IRAG2: variants seen among roughly 807,000 people sequenced by gnomAD.
IRAG2 encodes inositol 1,4,5-triphosphate receptor associated 2.
IRAG2 carries 45 observed loss-of-function variants against 69.9 expected under a neutral mutation model. That is an observed-to-expected ratio of 0.64 (90% CI 0.51 to 0.83). The LOEUF is 0.83. IRAG2 is among the 40% of genes least tolerant of loss of function. IRAG2 has a pLI of 0.00. For missense variants in IRAG2, 520 were observed against 587.0 expected, an observed-to-expected ratio of 0.89 and a Z score of 1.18; for synonymous variants, 193 against 202.4, an observed-to-expected ratio of 0.95 and a Z score of 0.40.
intron 7 of IRAG2, among the ~76,000 whole-genome samples, chr12:25,021,322 A>G (rs1944578667): frequency 6.6e-6 from 1 of 151,772 alleles, no homozygotes; most frequent in Non-Finnish European, 1.5e-5. Context: ...CACATTCACA[A>G]TAGTTTCTGA....
upstream of IRAG2, among the ~76,000 whole-genome samples, chr12:25,048,709 G>T (rs1378622343): frequency 6.6e-6 from 1 of 152,136 alleles, no homozygotes; most frequent in Non-Finnish European, 1.5e-5. Flanking sequence ...CCATTCTCTA[G>T]GTTGTCTGTT....
chr12:25,090,003 G>T, intron 13 of IRAG2, 54 bp from the exon 14 acceptor site: 2 of 1,568,062 alleles, frequency 1.3e-6, no homozygotes, highest in South Asian at 2.3e-5. Context: ...TGAAACATCT[G>T]ACCACATCCG....
At chr12:25,077,319 T>G (rs11047818) in intron 6 of IRAG2, among the ~76,000 whole-genome samples, 1 of 27,702 alleles carries the variant, frequency 3.6e-5, no homozygotes, top group African/African-American at 1.2e-4. Context: ...ATATATATGA[T>G]ATATATATGA....
Position 25,101,181 on chromosome 12 carries a change from A to G in IRAG2, c.745A>G (p.Ser249Gly). 1.3e-6 allele frequency: 2 copies of G among 1,594,498 alleles called. No individual in the cohort carries two copies. Among genetic ancestry groups the G allele is most frequent in the Non-Finnish European group, 1.7e-6 (2 of 1,170,424 alleles). The change falls in exon 16 of 22, where the codon AGC becomes GGC. Residue 249 changes from serine (S) to glycine (G), a missense_variant. Coordinates refer to ENST00000556887, the MANE Select transcript of IRAG2 (RefSeq NM_001366544.2). ...TGCTCGTTTTTTCTCTTGCTAGGAA[A>G]GCCGGGTTAGTAAAGCAGTTGAAGT... is the stretch of plus-strand genomic sequence containing the variant. ...AEMLGAINQE[S>G]RVSKAVEVMI...
intron 2 of IRAG2, among the ~76,000 whole-genome samples, chr12:25,009,391 T>C (rs949197117): frequency 6.6e-6 from 1 of 152,334 alleles, no homozygotes; most frequent in Middle Eastern, 3.4e-3. Flanking sequence ...TGTACCCTTA[T>C]TTATTTCCTT....
At chr12:25,050,126 C>CA (rs1303144865), upstream of IRAG2, among the ~76,000 whole-genome samples, 13 of 150,724 alleles carry the variant, frequency 8.6e-5, no homozygotes, top group Non-Finnish European at 1.5e-4. Context: ...GACTCCGTCT[C>CA]AAAAAAACAA....
Position 25,069,385 on chromosome 12 carries a change from C to T in IRAG2, c.-23C>T, listed in dbSNP as rs370845805. The stretch of plus-strand genomic sequence containing the variant: ...CCCACAAGTGGCCCCAGCCCAGGAA[C>T]GAATCTCTCAGGCTGCATCAGGATG... On this transcript the variant is annotated 5_prime_UTR_variant, in exon 6 of 22. It adds an upstream start codon to the 5' untranslated region. Coordinates refer to ENST00000556887, the MANE Select transcript of IRAG2 (RefSeq NM_001366544.2). The T allele has an allele frequency of 9.9e-6, 16 of 1,612,820 alleles. No individual in the cohort carries two copies. The highest frequency in any genetic ancestry group is 1.7e-5 in the Admixed American group (1 of 59,920).
chr12:25,017,018 T>TAAAAA, intron 5 of IRAG2: 1 of 597,744 alleles, frequency 1.7e-6, no homozygotes, highest in Non-Finnish European at 2.3e-6. Context: ...AGGGTAAAGT[T>TAAAAA]AAAAAAAAAA....
At chr12:25,078,743 A>G (rs1946990509) in intron 6 of IRAG2, among the ~76,000 whole-genome samples, 1 of 152,222 alleles carries the variant, frequency 6.6e-6, no homozygotes, top group African/African-American at 2.4e-5. Context: ...GAATCAAGTA[A>G]TAGGTGCTAA....
chr12:25,078,961 T>C (rs1592029364), intron 6 of IRAG2, among the ~76,000 whole-genome samples: 1 of 152,256 alleles, frequency 6.6e-6, no homozygotes, highest in East Asian at 1.9e-4. Flanking sequence ...ATAAACCCTA[T>C]CTGCCATTTG....
intron 3 of IRAG2, among the ~76,000 whole-genome samples, chr12:25,012,117 T>C (rs1944479607): frequency 6.7e-6 from 1 of 148,792 alleles, no homozygotes; most frequent in South Asian, 2.2e-4. Flanking sequence ...TGGAGATGTG[T>C]GTCTTCTTCC....
intron 10 of IRAG2, among the ~76,000 whole-genome samples, chr12:25,031,920 C>G (rs1238556458): frequency 6.6e-6 from 1 of 152,182 alleles, no homozygotes; most frequent in Non-Finnish European, 1.5e-5. Flanking sequence ...CCTCGGCCTC[C>G]CAAAGTGTTG....
chr12:25,065,374 T>C (rs923246015), intron 4 of IRAG2, among the ~76,000 whole-genome samples: 2 of 152,154 alleles, frequency 1.3e-5, no homozygotes, highest in Admixed American at 1.3e-4. Context: ...AACCAAAAAT[T>C]TCTGATTGAC....
intron 16 of IRAG2, among the ~76,000 whole-genome samples, chr12:25,039,726 G>A (rs750333329): frequency 7.2e-5 from 11 of 152,118 alleles, no homozygotes; most frequent in Non-Finnish European, 1.2e-4. Context: ...CACCACACCC[G>A]GCAACATTCT....
intron 16 of IRAG2, among the ~76,000 whole-genome samples, chr12:25,039,647 G>T (rs1944731474): frequency 6.6e-6 from 1 of 152,142 alleles, no homozygotes; most frequent in Non-Finnish European, 1.5e-5. Flanking sequence ...AACCAGGATG[G>T]TCTCGATCTC....
In IRAG2 at chr12:25,108,126, T is replaced by TAAC; in HGVS notation, c.*67_*69dup. On this transcript the variant is annotated 3_prime_UTR_variant, in exon 22 of 22. Transcript: ENST00000556887. ...TCAGTATCTGAACTTCGTAAATTAG[T>TAAC]AACTTTTAGCTGGGAAAGTATAGCA... The TAAC allele has an allele frequency of 6.4e-7, 1 of 1,550,692 alleles. No individual in the cohort carries two copies. The highest frequency in any genetic ancestry group is 8.8e-7 in the Non-Finnish European group (1 of 1,141,184).
intron 2 of IRAG2, among the ~76,000 whole-genome samples, chr12:25,007,344 CTT>C (rs1944440631): frequency 2.0e-5 from 3 of 152,094 alleles, no homozygotes; most frequent in African/African-American, 7.2e-5. Flanking sequence ...TATCAAATGT[CTT>C]GTTAGTAGTC....
At chr12:25,042,839 G>A (rs1944761617) in intron 16 of IRAG2, among the ~76,000 whole-genome samples, 1 of 151,912 alleles carries the variant, frequency 6.6e-6, no homozygotes, top group Admixed American at 6.6e-5. Context: ...TGTTATATTG[G>A]TGAAAATACA....
chr12:25,011,684 A>AT, intron 3 of IRAG2: 2 of 580,596 alleles, frequency 3.4e-6, no homozygotes, highest in Non-Finnish European at 5.1e-6. Flanking sequence ...AATCACCTGA[A>AT]TGATGTTAAA....
Sources: gnomAD v4.1 joint callset for allele counts (sites outside exome capture counted in the v4.1 genomes callset) on GRCh38, gnomAD v4.1.1 for gene constraint, MANE v1.5 for transcripts, NCBI Gene and HGNC (gene_info 2026-07-23, HGNC 2026-07-21) for gene names.